The following INPP4A variants were observed in gnomAD, a reference collection of about 807,000 sequenced individuals.
INPP4A encodes inositol polyphosphate-4-phosphatase type I A.
INPP4A carries 33 observed loss-of-function variants against 119.8 expected under a neutral mutation model. The observed-to-expected ratio is 0.28, with a 90% CI of 0.21 to 0.37. The LOEUF (loss-of-function observed/expected upper bound fraction) is 0.37, where lower values mean the gene tolerates loss of function less well. INPP4A is among the 10% of genes least tolerant of loss of function. INPP4A has a pLI of 1.00. For missense variants in INPP4A, 956 were observed against 1,289.9 expected, an observed-to-expected ratio of 0.74 and a Z score of 3.97; for synonymous variants, 496 against 500.7, an observed-to-expected ratio of 0.99 and a Z score of 0.12.
intron 11 of INPP4A, among the ~76,000 whole-genome samples, chr2:98,544,705 C>T (rs868518781): frequency 1.6e-4 from 24 of 152,240 alleles, no homozygotes; most frequent in Non-Finnish European, 2.6e-4. Context: ...TTTTTGGATT[C>T]TTCCCTTTGA....
At chr2:98,511,736 C>T (rs1269877013) in intron 1 of INPP4A, among the ~76,000 whole-genome samples, 1 of 152,146 alleles carries the variant, frequency 6.6e-6, no homozygotes, top group African/African-American at 2.4e-5. Context: ...GAAACTGATG[C>T]ACAGAGATGG....
chr2:98,453,523 T>G (rs1695574556), intron 1 of INPP4A, among the ~76,000 whole-genome samples: 1 of 152,078 alleles, frequency 6.6e-6, no homozygotes, highest in African/African-American at 2.4e-5. Flanking sequence ...GGTAAAGATG[T>G]GTCAAACCCT....
chr2:98,589,467 G>A lies in INPP4A; in HGVS notation c.*1859G>A, dbSNP rs1017742949. On this transcript the variant is annotated 3_prime_UTR_variant, in exon 25 of 25. Transcript: ENST00000409851. ...AGTTTTCAGATCTTTTTTGTCTGGA[G>A]AGCATTAAATATCTGCACTCATCAA... 1.1e-5 allele frequency: 2 copies of A among 181,744 alleles called. No individual in the cohort carries two copies. The allele number at this position is 181,744 out of a possible 1,614,324, so 11.3% of individuals were successfully genotyped here. A position where few individuals can be genotyped will look rare whatever the true frequency, so the allele number is the denominator to read the frequency against.
chr2:98,514,819 T>C (rs111675405), intron 1 of INPP4A, among the ~76,000 whole-genome samples: 12,381 of 151,956 alleles, frequency 0.081, 718 homozygotes, highest in Non-Finnish European at 0.13. Context: ...CTCAGGAGGC[T>C]GAGATGGGTG....
intron 1 of INPP4A, among the ~76,000 whole-genome samples, chr2:98,477,286 G>A (rs138836804): frequency 1.3e-5 from 2 of 152,346 alleles, no homozygotes; most frequent in African/African-American, 2.4e-5. Context: ...CTCCCCCGCC[G>A]TCCCGTCTCC....
At chr2:98,553,068 C>G in intron 14 of INPP4A, 99 bp downstream of exon 14, 1 of 927,138 alleles carries the variant, frequency 1.1e-6, no homozygotes. Flanking sequence ...CCACAAAGAG[C>G]GTGACATTGG....
chr2:98,554,420 C>T lies in INPP4A; in HGVS notation c.1497C>T (p.Thr499=), dbSNP rs2106216717. 1.9e-6 allele frequency: 3 copies of T among 1,613,898 alleles called. No homozygotes were observed. The highest frequency in any genetic ancestry group is 2.5e-6 in the Non-Finnish European group (3 of 1,179,870). Reference sequence around the variant, plus strand: ...TGATGCTTAGAAATGACCAGGACACCCTCATGGCCCGGTGGACAGGGAGAA... The same window carrying T: ...TGATGCTTAGAAATGACCAGGACACTCTCATGGCCCGGTGGACAGGGAGAA... The part of the protein sequence containing the change: ...EQVMLRNDQD[T]LMARWTGRNS... Residue 499 remains threonine, a synonymous_variant, in exon 15 of 25, where the codon ACC becomes ACT. Transcript: ENST00000409851. This position sits in a 1 kb window ranked among gnomAD's most constrained non-coding sequence, Gnocchi z 4.7.
chr2:98,576,913 G>A, intron 23 of INPP4A, 76 bp from the exon 24 acceptor site: 1 of 1,526,994 alleles, frequency 6.5e-7, no homozygotes, highest in Non-Finnish European at 8.9e-7. Context: ...CTGGTTGGGA[G>A]CCTTTCCTGT....
intron 23 of INPP4A, among the ~76,000 whole-genome samples, chr2:98,574,667 G>GACACA (rs1698116503): frequency 6.6e-6 from 1 of 151,706 alleles, no homozygotes; most frequent in African/African-American, 2.4e-5. Flanking sequence ...TGCAGAGGGT[G>GACACA]ACACAGCTAG....
chr2:98,448,645 G>T (rs1694680670), intron 1 of INPP4A, among the ~76,000 whole-genome samples: 1 of 151,072 alleles, frequency 6.6e-6, no homozygotes, highest in African/African-American at 2.4e-5. Context: ...TTCAGGTTAT[G>T]CACTTCTGGC....
intron 1 of INPP4A, among the ~76,000 whole-genome samples, chr2:98,484,785 T>C (rs1017454297): frequency 6.6e-6 from 1 of 152,314 alleles, no homozygotes; most frequent in Admixed American, 6.5e-5. Context: ...AGAATCTGAC[T>C]TTTTCGCTTG....
intron 16 of INPP4A, among the ~76,000 whole-genome samples, chr2:98,557,411 C>T (rs1694690378): frequency 6.6e-6 from 1 of 152,140 alleles, no homozygotes; most frequent in Non-Finnish European, 1.5e-5. Context: ...CTGTTCAGTC[C>T]TCAGTGTAAG....
At chr2:98,532,857 GA>G (rs1000960825) in intron 4 of INPP4A, among the ~76,000 whole-genome samples, 6 of 147,946 alleles carry the variant, frequency 4.1e-5, no homozygotes, top group Non-Finnish European at 7.5e-5. Context: ...GCTCACTTAA[GA>G]AAAAAAAAAG....
chr2:98,473,666 C>T (rs527672672), intron 1 of INPP4A, among the ~76,000 whole-genome samples: 1 of 152,178 alleles, frequency 6.6e-6, no homozygotes, highest in Admixed American at 6.5e-5. Flanking sequence ...CAGATGGTGA[C>T]CATAAGCCGG....
At chr2:98,448,137 C>T (rs1412630168) in intron 1 of INPP4A, among the ~76,000 whole-genome samples, 1 of 151,152 alleles carries the variant, frequency 6.6e-6, no homozygotes, top group Non-Finnish European at 1.5e-5. Flanking sequence ...GGGAGGATCA[C>T]TTGAGTCCAG....
chr2:98,543,964 C>T lies in INPP4A; in HGVS notation c.906C>T (p.Ile302=). 9 of 1,588,946 alleles carry T rather than the reference C, an allele frequency of 5.7e-6. No homozygotes were observed. Among genetic ancestry groups the T allele is most frequent in the African/African-American group, 1.3e-5 (1 of 74,518 alleles). The part of the protein sequence containing the change: ...RQIVTQYQTI[I]LTYQENLTDL... ...TTGTCACCCAGTACCAGACCATCATCCTCACATACCAGGAGAACCTGACCG... is the reference window on the plus strand; with the variant it reads ...TTGTCACCCAGTACCAGACCATCATTCTCACATACCAGGAGAACCTGACCG... Residue 302 remains isoleucine (I), a synonymous_variant, in exon 11 of 25, where the codon ATC becomes ATT. Transcript: ENST00000409851.
In INPP4A at chr2:98,575,386, G is replaced by A. The variant is rs143812218; in HGVS notation, c.2632-1603G>A. 6.5e-3 allele frequency among the ~76,000 whole-genome samples: 994 copies of A among 152,324 alleles called. 18 individuals carry two copies. The highest frequency in any genetic ancestry group is 0.022 in the African/African-American group (930 of 41,582). On this transcript the variant is annotated intron_variant, in intron 23 of 24. Coordinates refer to ENST00000409851, the MANE Select transcript of INPP4A (RefSeq NM_001134225.2). ...TTTGAAACCTATAGTTCCAGCTTCC[G>A]TCATGTGTTTGGGTCATGAACTCTA...
At chr2:98,478,000 A>G (rs765679163) in intron 1 of INPP4A, among the ~76,000 whole-genome samples, 9 of 152,172 alleles carry the variant, frequency 5.9e-5, no homozygotes, top group Non-Finnish European at 1.3e-4. Flanking sequence ...GTGCGAGTGC[A>G]GTCCCTGCGG....
Position 98,445,101 on chromosome 2 carries a change from C to G in INPP4A, c.-166+16C>G, listed in dbSNP as rs1693935421. ...GGAGCGCCAGGTAGGTGGGCCGGGCCGGGCAGGAGGCGACGCGGCCGCCGC... is the reference window on the plus strand; with the variant it reads ...GGAGCGCCAGGTAGGTGGGCCGGGCGGGGCAGGAGGCGACGCGGCCGCCGC... On this transcript the variant is annotated intron_variant, in intron 1 of 24. Transcript: ENST00000409851. The G allele has an allele frequency of 6.7e-6, 1 of 149,820 alleles. No individual in the cohort carries two copies. The allele number at this position is 149,820 out of a possible 1,614,324, so 9.3% of individuals were successfully genotyped here. A position where few individuals can be genotyped will look rare whatever the true frequency, so the allele number is the denominator to read the frequency against.
Sources: gnomAD v4.1 joint callset for allele counts (sites outside exome capture counted in the v4.1 genomes callset) on GRCh38, gnomAD v4.1.1 for gene constraint, Gnocchi (gnomAD v3.1) non-coding constraint, MANE v1.5 for transcripts, NCBI Gene and HGNC (gene_info 2026-07-23, HGNC 2026-07-21) for gene names.